CORIN: variants seen among roughly 807,000 people sequenced by gnomAD.
The protein encoded by CORIN is atrial natriuretic peptide-converting enzyme.
CORIN carries 117 observed loss-of-function variants against 125.3 expected under a neutral mutation model. That is an observed-to-expected ratio of 0.93 (90% CI 0.80 to 1.09). The LOEUF (loss-of-function observed/expected upper bound fraction) is 1.09, where lower values mean the gene tolerates loss of function less well. Ranked by LOEUF, CORIN falls within the 50% of genes least tolerant of loss-of-function variation. The probability of loss-of-function intolerance (pLI) is 0.00; values close to 1 mark genes in which losing one functional copy is unlikely to be tolerated. For synonymous variants in CORIN, 450 were observed against 466.4 expected (o/e 0.96, Z 0.45); for missense variants, 1,253 against 1,306.7 (o/e 0.96, Z 0.63).
chr4:47,814,127 C>T (rs1480327328), intron 1 of CORIN, among the ~76,000 whole-genome samples: 2 of 152,138 alleles, frequency 1.3e-5, no homozygotes, highest in African/African-American at 2.4e-5. Context: ...AGATGATAAA[C>T]TGCAAATATA....
intron 16 of CORIN, among the ~76,000 whole-genome samples, chr4:47,637,679 ACC>A (rs1723079923): frequency 6.6e-6 from 1 of 152,162 alleles, no homozygotes; most frequent in Admixed American, 6.5e-5. Context: ...GGATTTGGGA[ACC>A]TCTGCCTAGA....
chr4:47,626,713 G>C (rs1207915330), intron 16 of CORIN, among the ~76,000 whole-genome samples, 192 bp from the exon 17 acceptor site: 2 of 152,182 alleles, frequency 1.3e-5, no homozygotes, highest in Non-Finnish European at 1.5e-5. Flanking sequence ...TGTTTGAACT[G>C]CATGAGGTGT....
chr4:47,614,955 T>A (rs1408405470), intron 19 of CORIN, among the ~76,000 whole-genome samples: 2 of 152,212 alleles, frequency 1.3e-5, no homozygotes, highest in African/African-American at 4.8e-5. Flanking sequence ...TATGGTAATG[T>A]AATAGAAGAT....
intron 16 of CORIN, among the ~76,000 whole-genome samples, chr4:47,637,465 G>C (rs1201090322): frequency 2.0e-5 from 3 of 152,314 alleles, no homozygotes; most frequent in East Asian, 3.9e-4. Flanking sequence ...AGGCCTAGGA[G>C]GAAAAAGTGG....
chr4:47,757,878 GTA>G (rs59621469), intron 4 of CORIN, among the ~76,000 whole-genome samples: 6,558 of 123,764 alleles, frequency 0.053, 261 homozygotes, highest in African/African-American at 0.12. Flanking sequence ...ATATATATAT[GTA>G]TATATATATA....
intron 5 of CORIN, among the ~76,000 whole-genome samples, chr4:47,738,769 T>C (rs903869400): frequency 6.6e-6 from 1 of 152,166 alleles, no homozygotes; most frequent in Non-Finnish European, 1.5e-5. Flanking sequence ...TTTAAATCAG[T>C]TATTTTAACT....
At chr4:47,785,154 T>C (rs1189400791) in intron 3 of CORIN, among the ~76,000 whole-genome samples, 1 of 152,184 alleles carries the variant, frequency 6.6e-6, no homozygotes, top group Non-Finnish European at 1.5e-5. Context: ...TTCAATCACA[T>C]AACCTTGTTT....
intron 5 of CORIN, chr4:47,706,559 G>A: frequency 1.2e-6 from 2 of 1,609,676 alleles, no homozygotes; most frequent in South Asian, 2.2e-5. Context: ...GTTATACATA[G>A]GATTTGTGTT....
chr4:47,790,648 C>G (rs1474133918), intron 2 of CORIN, among the ~76,000 whole-genome samples: 5 of 152,056 alleles, frequency 3.3e-5, no homozygotes, highest in Non-Finnish European at 7.4e-5. Flanking sequence ...ACTAAGTTCT[C>G]CGTAACTGTT....
At chr4:47,789,503 G>T (rs1410623128) in intron 2 of CORIN, among the ~76,000 whole-genome samples, 1 of 152,096 alleles carries the variant, frequency 6.6e-6, no homozygotes, top group African/African-American at 2.4e-5. Flanking sequence ...TATTTGAGAG[G>T]TACTGTAGTT....
rs1163833890 is a variant in CORIN at position 47,674,429 on chromosome 4, A to C, written c.1321T>G (p.Ser441Ala). 1.4e-5 allele frequency: 22 copies of C among 1,613,866 alleles called. No individual in the cohort carries two copies. Among genetic ancestry groups the C allele is most frequent in the Non-Finnish European group, 1.7e-5 (20 of 1,179,810 alleles). The change falls in exon 10 of 22, where the codon TCT (serine) becomes GCT (alanine). Residue 441 changes from serine to alanine, a missense_variant. By Grantham distance (99) the Ser-to-Ala change is moderately conservative. Coordinates refer to ENST00000273857, the MANE Select transcript of CORIN (RefSeq NM_006587.4). ...AGACTGTTGTTCGGGTCACAGAGAG[A>C]GCTACCACCACATGAATCAAGGCAG... The part of the protein sequence containing the change: ...NPCLDSCGGS[S>A]LCDPNNSLNN...
chr4:47,693,087 A>C lies in CORIN; in HGVS notation c.800-4T>G. 1 of 1,587,122 alleles carries C rather than the reference A, an allele frequency of 6.3e-7. No individual in the cohort carries two copies. Among genetic ancestry groups the C allele is most frequent in the South Asian group, 1.1e-5 (1 of 90,018 alleles). On this transcript the variant is annotated splice_region_variant and splice_polypyrimidine_tract_variant and intron_variant, in intron 5 of 21. Transcript: ENST00000273857. ...TTCTCACCCCTTCCACAGAGCACTA[A>C]AAAAAAAGGGCAGGAAATAATGTCA...
At chr4:47,632,736 T>C (rs865868239) in intron 16 of CORIN, among the ~76,000 whole-genome samples, 18,851 of 123,384 alleles carry the variant, frequency 0.15, 1,279 homozygotes, top group Admixed American at 0.21. Context: ...GATAGATAGA[T>C]AGATAGATAG....
At chr4:47,739,709 C>T (rs1267558433) in intron 5 of CORIN, among the ~76,000 whole-genome samples, 2 of 151,728 alleles carry the variant, frequency 1.3e-5, no homozygotes, top group Non-Finnish European at 3.0e-5. Context: ...TTAAAAACAA[C>T]TGCATAAATA....
intron 12 of CORIN, among the ~76,000 whole-genome samples, chr4:47,656,604 C>CA (rs1251161542): frequency 2.0e-5 from 3 of 152,108 alleles, no homozygotes; most frequent in Non-Finnish European, 4.4e-5. Context: ...AAAAATCCCT[C>CA]AAAAAACTGG....
intron 2 of CORIN, among the ~76,000 whole-genome samples, chr4:47,800,730 G>A (rs1731504945): frequency 6.6e-6 from 1 of 152,136 alleles, no homozygotes; most frequent in African/African-American, 2.4e-5. Flanking sequence ...ATCTCCCACA[G>A]AAAACCCTCA....
chr4:47,623,658 G>A lies in CORIN; in HGVS notation c.2453C>T (p.Ser818Phe). 1 of 1,614,216 alleles carries A rather than the reference G, an allele frequency of 6.2e-7. No individual in the cohort carries two copies. Among genetic ancestry groups the A allele is most frequent in the Non-Finnish European group, 8.5e-7 (1 of 1,180,024 alleles). The change falls in exon 19 of 22, where the codon TCT becomes TTT. Residue 818 changes from serine (S) to phenylalanine (F), a missense_variant. By Grantham distance (155) the Ser-to-Phe change is radical (BLOSUM62 -2). Coordinates refer to ENST00000273857, the MANE Select transcript of CORIN (RefSeq NM_006587.4). ...ATGTCCACTGGGTTCACTCTGCAGA[G>A]AACACTGCCATGGCCACCTTCCAGG... ...SRPGRWPWQC[S>F]LQSEPSGHIC...
chr4:47,669,724 A>G (rs2109684901), intron 10 of CORIN, among the ~76,000 whole-genome samples: 2 of 152,108 alleles, frequency 1.3e-5, no homozygotes, highest in South Asian at 4.2e-4. Flanking sequence ...GCCCACCACC[A>G]CGTCCAGCTA....
Position 47,645,707 on chromosome 4 carries a change from T to C in CORIN, c.1844-513A>G, listed in dbSNP as rs796682774. ...GAGTTGGAGACCAGCCTGGCCAAGA[T>C]GGTGAAACCCCATCTCTACTAAAAA... is the stretch of plus-strand genomic sequence containing the variant. On this transcript the variant is annotated intron_variant, in intron 13 of 21. Transcript: ENST00000273857. 5.9e-5 allele frequency among the ~76,000 whole-genome samples: 9 copies of C among 152,034 alleles called. No homozygotes were observed. The East Asian group carries it at 1.7e-3, about 29-fold the overall frequency.
Sources: allele counts gnomAD v4.1 joint callset (sites outside exome capture counted in the v4.1 genomes callset), GRCh38; gene constraint gnomAD v4.1.1; transcripts MANE v1.5; gene names NCBI Gene and HGNC (gene_info 2026-07-23, HGNC 2026-07-21).